Variants in NIF3L1 observed in about 807,000 individuals in gnomAD.
NIF3L1 encodes the protein NGG1 interacting factor 3 like 1, also known as NIF3-like protein 1.
Under a neutral mutation model 35.0 loss-of-function variants are expected in NIF3L1, and 26 were observed. That is an observed-to-expected ratio of 0.74 (90% confidence interval 0.54 to 1.03). The LOEUF is 1.03. Ranked by LOEUF, NIF3L1 falls within the 50% of genes least tolerant of loss-of-function variation. The probability of loss-of-function intolerance (pLI) is 0.00; values close to 1 mark genes in which losing one functional copy is unlikely to be tolerated. For synonymous variants in NIF3L1, 157 were observed against 178.9 expected (o/e 0.88, Z 0.98); for missense variants, 449 against 466.3 (o/e 0.96, Z 0.34).
chr2:200,891,912 C>T lies in NIF3L1; in HGVS notation c.-26-6C>T. ...CTGTGTACCATTTTCTTTGTTTTGA[C>T]ATCAGAAACTTGAACTTTACCTGAT... On this transcript the variant is annotated splice_region_variant and splice_polypyrimidine_tract_variant and intron_variant, in intron 1 of 6. Transcript: ENST00000409020. 6.6e-7 allele frequency: 1 copy of T among 1,513,084 alleles called. No individual in the cohort carries two copies. Among genetic ancestry groups the T allele is most frequent in the East Asian group, 2.4e-5 (1 of 42,442 alleles). The allele number at this position is 1,513,084 out of a possible 1,614,324, so 93.7% of individuals were successfully genotyped here.
chr2:200,895,621 G>A (rs1026828865), intron 4 of NIF3L1, among the ~76,000 whole-genome samples: 5 of 152,126 alleles, frequency 3.3e-5, no homozygotes, highest in Admixed American at 2.6e-4. Context: ...GCCATTCACT[G>A]TTATCTAAAG....
chr2:200,891,022 G>A (rs1275174075), intron 1 of NIF3L1, among the ~76,000 whole-genome samples: 2 of 148,128 alleles, frequency 1.4e-5, no homozygotes, highest in Admixed American at 1.4e-4. Flanking sequence ...GCTGTGGCAT[G>A]ATCTTGGCTC....
rs2040451781 is a variant in NIF3L1 at position 200,903,785 on chromosome 2, G to GTA, written c.*109_*110dup. ...GTGCTTCCAGAGAGTGTCTTCGAGG[G>GTA]TATCATCATTTCCGGTTTGTTAATC... On this transcript the variant is annotated 3_prime_UTR_variant, in exon 7 of 7. Coordinates refer to ENST00000409020, the MANE Select transcript of NIF3L1 (RefSeq NM_001369441.2). 3 of 878,408 alleles carry GTA rather than the reference G, an allele frequency of 3.4e-6. No individual in the cohort carries two copies. Among genetic ancestry groups the GTA allele is most frequent in the African/African-American group, 3.3e-5 (2 of 60,172 alleles). 54.4% of individuals were successfully genotyped at this position (878,408 alleles called of 1,614,324 possible). A position where few individuals can be genotyped will look rare whatever the true frequency, so the allele number is the denominator to read the frequency against.
chr2:200,892,154 A>T lies in NIF3L1; in HGVS notation c.211A>T (p.Asn71Tyr). Residue 71 changes from asparagine to tyrosine, a missense_variant, in exon 2 of 7, where the codon AAT becomes TAT. Physicochemically the swap from Asn to Tyr is moderately radical, Grantham distance 143 (BLOSUM62 -2). Transcript: ENST00000409020. ...PHTVNTLFLT[N>Y]DLTEEVMEEV... ...TACTGTAAATACACTCTTCCTGACC[A>T]ATGACCTGACTGAGGAAGTGATGGA... 6.2e-7 allele frequency: 1 copy of T among 1,614,180 alleles called. No homozygotes were observed. Among genetic ancestry groups the T allele is most frequent in the Non-Finnish European group, 8.5e-7 (1 of 1,180,034 alleles).
chr2:200,893,295 T>C lies in NIF3L1; in HGVS notation c.486T>C (p.Pro162=). 1 of 1,605,598 alleles carries C rather than the reference T, an allele frequency of 6.2e-7. No homozygotes were observed. The change falls in exon 3 of 7, where the codon CCT becomes CCC. Residue 162 remains proline, a synonymous_variant. Transcript: ENST00000409020. The part of the protein sequence containing the change: ...PIHPSKAPNY[P]TEGNHRVEFN... ...ATCCTTCCAAAGCTCCCAACTACCC[T>C]ACAGAGGGAAACCACCGAGTAGAAT... is the stretch of plus-strand genomic sequence containing the variant.
chr2:200,899,792 C>G (rs1410518249), intron 6 of NIF3L1, among the ~76,000 whole-genome samples: 2 of 152,146 alleles, frequency 1.3e-5, no homozygotes, highest in Non-Finnish European at 2.9e-5. Flanking sequence ...TCCTTTTACT[C>G]AGCCTAAAGC....
chr2:200,897,796 G>A (rs1354954933), intron 5 of NIF3L1, among the ~76,000 whole-genome samples: 1 of 152,218 alleles, frequency 6.6e-6, no homozygotes, highest in African/African-American at 2.4e-5. Context: ...AACAAAAAGA[G>A]TGAACAGACA....
intron 6 of NIF3L1, among the ~76,000 whole-genome samples, chr2:200,900,930 T>A (rs1004366546): frequency 6.6e-6 from 1 of 152,248 alleles, no homozygotes; most frequent in Non-Finnish European, 1.5e-5. Context: ...TATATATGTG[T>A]CTATACACAT....
chr2:200,893,277 C>G lies in NIF3L1; in HGVS notation c.468C>G (p.Ser156=). Reference sequence around the variant, plus strand: ...GTACCTCCAGGCCCATACATCCTTCCAAAGCTCCCAACTACCCTACAGAGG... The same window carrying G: ...GTACCTCCAGGCCCATACATCCTTCGAAAGCTCCCAACTACCCTACAGAGG... ...GACTSRPIHP[S]KAPNYPTEGN... The change falls in exon 3 of 7, where the codon TCC becomes TCG. Residue 156 remains serine, a synonymous_variant. Transcript: ENST00000409020. The G allele has an allele frequency of 6.4e-7, 1 of 1,571,714 alleles. No homozygotes were observed. Among genetic ancestry groups the G allele is most frequent in the Non-Finnish European group, 8.6e-7 (1 of 1,156,948 alleles).
chr2:200,899,252 A>C, intron 5 of NIF3L1, 133 bp from the exon 6 acceptor site: 1 of 538,720 alleles, frequency 1.9e-6, no homozygotes. Context: ...AAAATGCAGT[A>C]AGAACAATTC....
At chr2:200,901,671 G>GT (rs780212977) in intron 6 of NIF3L1, among the ~76,000 whole-genome samples, 2 of 152,186 alleles carry the variant, frequency 1.3e-5, no homozygotes, top group African/African-American at 4.8e-5. Flanking sequence ...GTAATACCCC[G>GT]TAAGACCAGC....
At chr2:200,893,762 G>T (rs2040247715) in intron 3 of NIF3L1, among the ~76,000 whole-genome samples, 1 of 152,174 alleles carries the variant, frequency 6.6e-6, no homozygotes. Context: ...GCAAATCAGT[G>T]ATTCCCAAGT....
rs184981231 is a variant in NIF3L1, at chr2:200,903,792, C to T, written c.*114C>T. On this transcript the variant is annotated 3_prime_UTR_variant, in exon 7 of 7. Transcript: ENST00000409020. Reference sequence around the variant, plus strand: ...CAGAGAGTGTCTTCGAGGGTATCATCATTTCCGGTTTGTTAATCTTATTCA... The same window carrying T: ...CAGAGAGTGTCTTCGAGGGTATCATTATTTCCGGTTTGTTAATCTTATTCA... 11 of 832,026 alleles carry T rather than the reference C, an allele frequency of 1.3e-5. No individual in the cohort carries two copies. Among genetic ancestry groups the T allele is most frequent in the Admixed American group, 5.7e-5 (3 of 52,874 alleles). The allele number at this position is 832,026 out of a possible 1,614,324, so 51.5% of individuals were successfully genotyped here. A position where few individuals can be genotyped will look rare whatever the true frequency, so the allele number is the denominator to read the frequency against.
At position 200,897,182 on chromosome 2, in the gene NIF3L1, T is replaced by C. The variant is rs776507769; in HGVS notation, c.833T>C (p.Ile278Thr). The C allele has an allele frequency of 6.2e-7, 1 of 1,614,040 alleles. No homozygotes were observed. Among genetic ancestry groups the C allele is most frequent in the Non-Finnish European group, 8.5e-7 (1 of 1,180,010 alleles). ...RIKRHLKLSH[I>T]RLALGVGRTL... ...AAAAGACACCTAAAACTATCTCATA[T>C]TCGCTTAGCCCTTGGGGTGGGGAGA... Residue 278 changes from isoleucine (I) to threonine (T), a missense_variant, in exon 5 of 7, where the codon ATT becomes ACT. Transcript: ENST00000409020.
chr2:200,897,051 G>A (rs766344373), intron 4 of NIF3L1, 25 bp from the exon 5 acceptor site: 14 of 1,611,528 alleles, frequency 8.7e-6, no homozygotes, highest in East Asian at 4.5e-5. Flanking sequence ...AATGCACACC[G>A]TTTCTAACTT....
Position 200,903,477 on chromosome 2 carries a change from T to C in NIF3L1, c.950-17T>C, listed in dbSNP as rs754287448. On this transcript the variant is annotated splice_polypyrimidine_tract_variant and intron_variant, in intron 6 of 6. Coordinates refer to ENST00000409020, the MANE Select transcript of NIF3L1 (RefSeq NM_001369441.2). ...CCATATTTAGCATTTAAGAATTTGC[T>C]CTTCCCTTTTTGGTAGGTGAGATGT... 6.2e-7 allele frequency: 1 copy of C among 1,604,638 alleles called. No individual in the cohort carries two copies.
At chr2:200,901,460 G>A (rs2040409122) in intron 6 of NIF3L1, among the ~76,000 whole-genome samples, 1 of 152,174 alleles carries the variant, frequency 6.6e-6, no homozygotes. Flanking sequence ...GTTCCAAAAT[G>A]TTAAAATGTC....
Position 200,903,702 on chromosome 2 carries a change from A to G in NIF3L1, c.*24A>G. The G allele has an allele frequency of 1.3e-6, 2 of 1,595,654 alleles. No individual in the cohort carries two copies. Among genetic ancestry groups the G allele is most frequent in the Non-Finnish European group, 1.7e-6 (2 of 1,163,200 alleles). On this transcript the variant is annotated 3_prime_UTR_variant, in exon 7 of 7. Coordinates refer to ENST00000409020, the MANE Select transcript of NIF3L1 (RefSeq NM_001369441.2). ...AATTGCAGAAACATCAGGATAACAC[A>G]TTCTACAAATCAGCTGGATGCCAAC...
rs758776413 is a variant in NIF3L1, at chr2:200,895,318, G to GA, written c.655dup (p.Met219AsnfsTer40). ...ATCTGAATTGTACTCAGAAGGCTTTGATGCAGGTGGTAGATTTTCTTTCCC... is the reference window on the plus strand; with the variant it reads ...ATCTGAATTGTACTCAGAAGGCTTTGAATGCAGGTGGTAGATTTTCTTTCCC... On this transcript the variant is annotated frameshift_variant, in exon 4 of 7. Transcript: ENST00000409020. LOFTEE classifies it high-confidence loss of function. 168 of 1,613,848 alleles carry GA rather than the reference G, an allele frequency of 1.0e-4. No homozygotes were observed. The highest frequency in any genetic ancestry group is 1.3e-4 in the Non-Finnish European group (159 of 1,179,866).
Sources: allele counts gnomAD v4.1 joint callset (sites outside exome capture counted in the v4.1 genomes callset), GRCh38; gene constraint gnomAD v4.1.1; transcripts MANE v1.5; gene names NCBI Gene and HGNC (gene_info 2026-07-23, HGNC 2026-07-21).